The following CEACAM19 variants were observed in gnomAD, a reference collection of about 807,000 sequenced individuals.
The protein encoded by CEACAM19 is CEA cell adhesion molecule 19.
CEACAM19 carries 37 observed loss-of-function variants against 37.6 expected under a neutral mutation model. That is an observed-to-expected ratio of 0.98 (90% CI 0.76 to 1.29). CEACAM19 has a LOEUF of 1.29. CEACAM19 is among the 50% of genes most tolerant of loss of function. The pLI, the probability that CEACAM19 is intolerant of heterozygous loss-of-function variation, is 0.00. For missense variants in CEACAM19, 340 were observed against 375.6 expected (o/e 0.91, Z 0.78); for synonymous variants, 140 against 149.8 (o/e 0.93, Z 0.48).
In CEACAM19 at chr19:44,671,792, G is replaced by A; in HGVS notation, c.-140G>A. On this transcript the variant is annotated 5_prime_UTR_variant, in exon 1 of 8. Transcript: ENST00000358777. ...GAGCCCATGGACAGGGCATGCTGGG[G>A]CTGGGCCAGCCCCAGCGGTGTCTCT... The A allele has an allele frequency of 1.6e-6, 1 of 636,710 alleles. No individual in the cohort carries two copies. Among genetic ancestry groups the A allele is most frequent in the Non-Finnish European group, 2.7e-6 (1 of 364,286 alleles). 39.4% of individuals were successfully genotyped at this position (636,710 alleles called of 1,614,324 possible).
chr19:44,670,322 TAAA>T (rs78422289), upstream of CEACAM19, among the ~76,000 whole-genome samples: 9 of 127,150 alleles, frequency 7.1e-5, no homozygotes, highest in Admixed American at 8.0e-5. Flanking sequence ...GACCCTGTCT[TAAA>T]AAAAAAAAAA....
Position 44,666,041 on chromosome 19 carries a change from T to A in CEACAM19, c.-320+3643T>A, listed in dbSNP as rs1372737895. The A allele has an allele frequency of 3.9e-5, 6 of 152,290 alleles. 1 individual carries two copies. The highest frequency in any genetic ancestry group is 1.4e-4 in the African/African-American group (6 of 41,448). The allele number at this position is 152,290 out of a possible 1,614,324, so 9.4% of individuals were successfully genotyped here. On this transcript the variant is annotated intron_variant, in intron 1 of 3. Transcript: ENST00000591979. Reference sequence around the variant, plus strand: ...AAGGCTGCAGGACAGGATGGACTCCTAGACCTCTGTTACCAGCAGTGACTA... The same window carrying A: ...AAGGCTGCAGGACAGGATGGACTCCAAGACCTCTGTTACCAGCAGTGACTA...
intron 2 of CEACAM19, 83 bp from the exon 3 acceptor site, chr19:44,676,188 T>C: frequency 7.1e-7 from 1 of 1,410,500 alleles, no homozygotes; most frequent in Admixed American, 2.0e-5. Flanking sequence ...ATGCAGTCAC[T>C]GATATAGTCG....
intron 4 of CEACAM19, 78 bp downstream of exon 4, chr19:44,679,014 T>A: frequency 6.3e-7 from 1 of 1,576,484 alleles, no homozygotes; most frequent in Non-Finnish European, 8.6e-7. Flanking sequence ...GTTTTCAGAG[T>A]CAAAGTCTCA....
chr19:44,671,637 T>A lies in CEACAM19; in HGVS notation c.-295T>A. 2 of 464,760 alleles carry A rather than the reference T, an allele frequency of 4.3e-6. No homozygotes were observed. The highest frequency in any genetic ancestry group is 7.6e-6 in the Non-Finnish European group (2 of 261,768). The allele number at this position is 464,760 out of a possible 1,614,324, so 28.8% of individuals were successfully genotyped here. Reference sequence around the variant, plus strand: ...ATTGCTACAGTGACTGCTGTTGTAGTCACGCTGAGTGAGAAAAAGAGGTTG... The same window carrying A: ...ATTGCTACAGTGACTGCTGTTGTAGACACGCTGAGTGAGAAAAAGAGGTTG... On this transcript the variant is annotated 5_prime_UTR_variant, in exon 1 of 8. Coordinates refer to ENST00000358777, the MANE Select transcript of CEACAM19 (RefSeq NM_001127893.3).
chr19:44,674,914 A>T (rs1001693720), intron 2 of CEACAM19, among the ~76,000 whole-genome samples: 1 of 152,138 alleles, frequency 6.6e-6, no homozygotes, highest in African/African-American at 2.4e-5. Flanking sequence ...TTCCCAGGTC[A>T]CAGGTGCCCC....
chr19:44,667,355 A>G (rs1973731278), upstream of CEACAM19: 1 of 150,916 alleles, frequency 6.6e-6, no homozygotes, highest in Non-Finnish European at 1.5e-5. Flanking sequence ...AGTTTCTGAG[A>G]TGATGATGAA....
upstream of CEACAM19, among the ~76,000 whole-genome samples, chr19:44,668,532 A>T: frequency 1.6e-5 from 1 of 62,946 alleles, no homozygotes; most frequent in African/African-American, 8.9e-5. Context: ...TAAATATATA[A>T]TATATGTATA....
upstream of CEACAM19, among the ~76,000 whole-genome samples, chr19:44,669,887 A>T (rs1744573923): frequency 6.6e-6 from 1 of 152,036 alleles, no homozygotes; most frequent in Non-Finnish European, 1.5e-5. Context: ...TGCCCCCCCA[A>T]ACCCTACAGG....
intron 2 of CEACAM19, among the ~76,000 whole-genome samples, chr19:44,675,915 G>A (rs1176248816): frequency 1.3e-5 from 2 of 152,020 alleles, no homozygotes; most frequent in African/African-American, 4.8e-5. Context: ...GGACAGCTAA[G>A]GAGTTCCATC....
chr19:44,666,811 T>C (rs1437580689), upstream of CEACAM19: 1 of 151,458 alleles, frequency 6.6e-6, no homozygotes, highest in African/African-American at 2.4e-5. Flanking sequence ...GTGGGGGCAA[T>C]GTGGGAGGTG....
upstream of CEACAM19, among the ~76,000 whole-genome samples, chr19:44,670,413 G>A (rs111723942): frequency 0.011 from 1,622 of 152,044 alleles, 28 homozygotes; most frequent in African/African-American, 0.037. Flanking sequence ...AGTGGCTCAT[G>A]CCTATACTCC....
At chr19:44,679,000 T>G in intron 4 of CEACAM19, 64 bp downstream of exon 4, 1 of 1,591,758 alleles carries the variant, frequency 6.3e-7, no homozygotes, top group Non-Finnish European at 8.6e-7. Context: ...TCAAGAGTAC[T>G]TTTGTTTTCA....
chr19:44,668,563 T>G (rs868721624), upstream of CEACAM19, among the ~76,000 whole-genome samples: 154 of 22,090 alleles, frequency 7.0e-3, 2 homozygotes, highest in Non-Finnish European at 9.4e-3. Context: ...ATTATATACA[T>G]ATTATATATG....
upstream of CEACAM19, among the ~76,000 whole-genome samples, chr19:44,667,684 T>G (rs1192688749): frequency 3.6e-5 from 3 of 83,472 alleles, no homozygotes; most frequent in East Asian, 2.9e-4. Context: ...ATATTATATA[T>G]ATAAATATAT....
At chr19:44,668,565 T>TA (rs1373277232), upstream of CEACAM19, among the ~76,000 whole-genome samples, 46 of 42,054 alleles carry the variant, frequency 1.1e-3, no homozygotes, top group South Asian at 0.011. Context: ...TATATACATA[T>TA]TATATATGTA....
chr19:44,674,139 G>C (rs1973904863), intron 2 of CEACAM19, among the ~76,000 whole-genome samples: 1 of 151,862 alleles, frequency 6.6e-6, no homozygotes, highest in African/African-American at 2.4e-5. Flanking sequence ...CCAGCCACTT[G>C]GGAGGCAGGA....
At chr19:44,681,620 C>T (rs116025826) in intron 6 of CEACAM19, among the ~76,000 whole-genome samples, 1,617 of 152,050 alleles carry the variant, frequency 0.011, 28 homozygotes, top group African/African-American at 0.037. Flanking sequence ...ATATATATAA[C>T]GAAAGGTTTA....
intron 1 of CEACAM19, chr19:44,666,244 CAGAG>C (rs936885269): frequency 4.6e-5 from 7 of 152,124 alleles, no homozygotes; most frequent in African/African-American, 1.4e-4. Flanking sequence ...GGGAAGGAGA[CAGAG>C]AGAGTAGAAT....
Sources: allele counts gnomAD v4.1 joint callset (sites outside exome capture counted in the v4.1 genomes callset), GRCh38; gene constraint gnomAD v4.1.1; transcripts MANE v1.5; gene names NCBI Gene and HGNC (gene_info 2026-07-23, HGNC 2026-07-21).